Variants in DNAH6 observed in about 807,000 individuals in gnomAD.
The protein encoded by DNAH6 is dynein axonemal heavy chain 6, also known as axonemal beta dynein heavy chain 6.
Under a neutral mutation model 491.4 loss-of-function variants are expected in DNAH6, and 340 were observed. That is an observed-to-expected ratio of 0.69 (90% CI 0.63 to 0.76). The LOEUF (loss-of-function observed/expected upper bound fraction) is 0.76. DNAH6 is among the 30% of genes least tolerant of loss of function. The probability of loss-of-function intolerance (pLI) is 0.00; values close to 1 mark genes in which losing one functional copy is unlikely to be tolerated. For missense variants in DNAH6, 4,443 were observed against 4,972.2 expected, an observed-to-expected ratio of 0.89 and a Z score of 3.20; for synonymous variants, 1,603 against 1,686.1, an observed-to-expected ratio of 0.95 and a Z score of 1.21.
At position 84,787,322 on chromosome 2, in the gene DNAH6, C is replaced by T; in HGVS notation, c.11239+20C>T. 6.5e-7 allele frequency: 1 copy of T among 1,541,742 alleles called. No individual in the cohort carries two copies. The highest frequency in any genetic ancestry group is 1.2e-5 in the South Asian group (1 of 81,962). ...TTACTGGTGAGTACGTCCTTGTGGC[C>T]AGGCCTTCCATCTATGTACCACAAA... On this transcript the variant is annotated intron_variant, in intron 68 of 76. Transcript: ENST00000389394.
At chr2:84,816,373 C>T (rs1240795684) in intron 76 of DNAH6, among the ~76,000 whole-genome samples, 1 of 152,024 alleles carries the variant, frequency 6.6e-6, no homozygotes, top group African/African-American at 2.4e-5. Context: ...TGAATAGACA[C>T]GAAAATCTCT....
intron 31 of DNAH6, among the ~76,000 whole-genome samples, chr2:84,638,092 C>G (rs1389312436): frequency 6.6e-6 from 1 of 151,952 alleles, no homozygotes; most frequent in African/African-American, 2.4e-5. Flanking sequence ...TAGCCAGTCT[C>G]ATAACCCAGT....
chr2:84,710,413 G>C lies in DNAH6; in HGVS notation c.9378+1G>C, dbSNP rs372093063. The C allele has an allele frequency of 3.9e-6, 6 of 1,551,476 alleles. No homozygotes were observed. Among genetic ancestry groups the C allele is most frequent in the Non-Finnish European group, 5.2e-6 (6 of 1,146,882 alleles). On this transcript the variant is annotated splice_donor_variant, in intron 56 of 76. Transcript: ENST00000389394. LOFTEE classifies it high-confidence loss of function. ...TGGTTTACCTGTCTTACTGGAAGAG[G>C]TTTGATTTTCACTTCCTTTTCTCAT...
At chr2:84,580,316 G>GCACACACACA (rs36209367) in intron 14 of DNAH6, among the ~76,000 whole-genome samples, 48 of 149,172 alleles carry the variant, frequency 3.2e-4, no homozygotes, top group African/African-American at 1.1e-3. Flanking sequence ...ACATACACAC[G>GCACACACACA]CACACACACA....
chr2:84,651,355 A>T (rs1470522233), intron 33 of DNAH6, among the ~76,000 whole-genome samples: 1 of 152,198 alleles, frequency 6.6e-6, no homozygotes, highest in African/African-American at 2.4e-5. Context: ...CTTCTCTGAC[A>T]CCGTGGGAGA....
intron 11 of DNAH6, among the ~76,000 whole-genome samples, chr2:84,564,207 G>A (rs1028466684): frequency 2.0e-5 from 3 of 151,916 alleles, no homozygotes; most frequent in African/African-American, 4.8e-5. Context: ...ATGAATTTTA[G>A]AATAGTTTTT....
chr2:84,562,685 A>T (rs996267385), intron 11 of DNAH6, among the ~76,000 whole-genome samples: 5 of 152,220 alleles, frequency 3.3e-5, no homozygotes, highest in African/African-American at 1.2e-4. Flanking sequence ...TTCAGAGGAA[A>T]CCAGGCACAG....
chr2:84,513,716 A>G (rs190942076), upstream of DNAH6, among the ~76,000 whole-genome samples: 78 of 152,132 alleles, frequency 5.1e-4, no homozygotes, highest in African/African-American at 1.7e-3. Context: ...TGAGAATTCT[A>G]AGGACTCAGA....
chr2:84,652,424 C>T (rs1690538428), intron 33 of DNAH6, among the ~76,000 whole-genome samples: 1 of 151,980 alleles, frequency 6.6e-6, no homozygotes, highest in Non-Finnish European at 1.5e-5. Flanking sequence ...TGTACTCTTA[C>T]TTATTGATTT....
At chr2:84,570,325 A>G (rs912435993) in intron 11 of DNAH6, among the ~76,000 whole-genome samples, 4 of 152,164 alleles carry the variant, frequency 2.6e-5, no homozygotes, top group African/African-American at 7.2e-5. Flanking sequence ...AAATGCCCCA[A>G]TCAGCACTCT....
rs946884935 is a variant in DNAH6 at position 84,709,193 on chromosome 2, T to C, written c.9049-150T>C. On this transcript the variant is annotated intron_variant, in intron 54 of 76. Coordinates refer to ENST00000389394, the MANE Select transcript of DNAH6 (RefSeq NM_001370.2). ...CCTCCTGATTTTGGTCTACTTCCTG[T>C]GTCCCATGCTCTGATGCAAGCACAT... is the stretch of plus-strand genomic sequence containing the variant. The C allele has an allele frequency of 5.4e-6, 4 of 742,736 alleles. No homozygotes were observed. The African/African-American group carries it at 7.0e-5, about 13-fold the overall frequency. The allele number at this position is 742,736 out of a possible 1,614,324, so 46.0% of individuals were successfully genotyped here.
chr2:84,519,927 A>AC (rs1675985601), intron 2 of DNAH6, among the ~76,000 whole-genome samples: 1 of 151,984 alleles, frequency 6.6e-6, no homozygotes, highest in African/African-American at 2.4e-5. Flanking sequence ...TATTTTCATG[A>AC]AAATATTACA....
chr2:84,755,161 G>T (rs953517226), intron 63 of DNAH6, among the ~76,000 whole-genome samples: 4 of 152,158 alleles, frequency 2.6e-5, no homozygotes, highest in African/African-American at 9.7e-5. Flanking sequence ...AGATCATGAG[G>T]ACTCTGAGCT....
the DNAH6 span, among the ~76,000 whole-genome samples, chr2:84,497,350 G>C: frequency 6.6e-6 from 1 of 152,098 alleles, no homozygotes; most frequent in Non-Finnish European, 1.5e-5. Flanking sequence ...GTTGTTGTAT[G>C]TATCAACAGA....
chr2:84,554,733 C>A (rs1284019235), intron 10 of DNAH6, among the ~76,000 whole-genome samples: 5 of 152,212 alleles, frequency 3.3e-5, no homozygotes, highest in African/African-American at 1.2e-4. Flanking sequence ...ATTGGAAGCT[C>A]GCTTAGGAGC....
chr2:84,518,142 A>T (rs1316560680), intron 2 of DNAH6, 91 bp downstream of exon 2: 1 of 909,964 alleles, frequency 1.1e-6, no homozygotes, highest in Admixed American at 3.0e-5. Context: ...CAGACTCTGA[A>T]CTGACAAAGA....
the DNAH6 span, among the ~76,000 whole-genome samples, chr2:84,500,970 A>C: frequency 1.3e-5 from 2 of 152,166 alleles, no homozygotes. Flanking sequence ...ACTGTCTGCA[A>C]AGAAGGATAA....
chr2:84,807,645 C>T (rs1679549132), intron 71 of DNAH6, among the ~76,000 whole-genome samples: 1 of 152,180 alleles, frequency 6.6e-6, no homozygotes. Context: ...CCTGGGCCGT[C>T]TAGTCTCTGG....
intron 31 of DNAH6, 146 bp from the exon 32 acceptor site, chr2:84,640,284 C>G: frequency 3.5e-6 from 2 of 578,716 alleles, no homozygotes; most frequent in Non-Finnish European, 5.7e-6. Context: ...AAGCCTTTTT[C>G]CCTTCAATCT....
Sources: allele counts gnomAD v4.1 joint callset (sites outside exome capture counted in the v4.1 genomes callset), GRCh38; gene constraint gnomAD v4.1.1; transcripts MANE v1.5; gene names NCBI Gene and HGNC (gene_info 2026-07-23, HGNC 2026-07-21).